The following NADK variants were observed in gnomAD, a reference collection of about 807,000 sequenced individuals.
The protein encoded by NADK is NAD kinase, also known as poly(P)/ATP NAD kinase.
A neutral mutation model predicts 49.8 loss-of-function variants in NADK; 22 were observed. The observed-to-expected ratio is 0.44, with a 90% CI of 0.32 to 0.63. The LOEUF (loss-of-function observed/expected upper bound fraction) is 0.63, where lower values mean the gene tolerates loss of function less well. Among genes scored for constraint, NADK ranks in the 30% least tolerant of loss-of-function variants. The pLI is 0.06. For missense variants in NADK, 438 were observed against 609.4 expected (o/e 0.72, Z 2.96); for synonymous variants, 268 against 253.7 (o/e 1.06, Z -0.54).
chr1:1,776,771 TTAAA>T (rs1646224229), intron 1 of NADK, among the ~76,000 whole-genome samples: 1 of 87,232 alleles, frequency 1.1e-5, no homozygotes, highest in Non-Finnish European at 2.6e-5. Flanking sequence ...AGACTCTGTC[TTAAA>T]AAAAAAAAAA....
rs147892956 is a variant in NADK, at chr1:1,756,566, G to C, written c.436C>G (p.Pro146Ala). The C allele has an allele frequency of 2.5e-6, 4 of 1,614,050 alleles. No individual in the cohort carries two copies. Among genetic ancestry groups the C allele is most frequent in the East Asian group, 4.5e-5 (2 of 44,872 alleles). The part of the protein sequence containing the change: ...VYVEKKVLED[P>A]AIASDESFGA... ...AAGCTTTCATCGCTGGCGATGGCAG[G>C]GTCTTCTAGCACTTTCTTTTCCACA... The change falls in exon 5 of 12, where the codon CCT (proline) becomes GCT (alanine). Residue 146 changes from proline to alanine, a missense_variant. Coordinates refer to ENST00000341426, the MANE Select transcript of NADK (RefSeq NM_023018.5).
intron 4 of NADK, 115 bp from the exon 5 acceptor site, chr1:1,756,723 G>A (rs1195502181): frequency 2.0e-5 from 31 of 1,545,156 alleles, no homozygotes; most frequent in East Asian, 4.6e-5. Flanking sequence ...CTGCATGCCC[G>A]CCCCCCCACG....
At chr1:1,757,477 A>ACAGGGT (rs1645567789) in intron 3 of NADK, among the ~76,000 whole-genome samples, 167 bp from the exon 4 acceptor site, 1 of 151,772 alleles carries the variant, frequency 6.6e-6, no homozygotes, top group African/African-American at 2.4e-5. Flanking sequence ...CGCCACAGAG[A>ACAGGGT]CAGGGTCAGG....
chr1:1,753,917 A>T (rs1645419059), intron 10 of NADK, 134 bp downstream of exon 10: 3 of 1,181,502 alleles, frequency 2.5e-6, no homozygotes, highest in Non-Finnish European at 3.5e-6. Flanking sequence ...GAGGGGGCAC[A>T]GGATGGCCCT....
At chr1:1,763,816 ACT>A (rs1277490428) in intron 2 of NADK, among the ~76,000 whole-genome samples, 1 of 151,970 alleles carries the variant, frequency 6.6e-6, no homozygotes, top group African/African-American at 2.4e-5. Flanking sequence ...GGCGCCTGTC[ACT>A]CACTATGGAG....
intron 1 of NADK, among the ~76,000 whole-genome samples, chr1:1,772,839 A>C (rs1646091567): frequency 6.6e-6 from 1 of 151,942 alleles, no homozygotes; most frequent in Non-Finnish European, 1.5e-5. Context: ...CAGGAGTTTG[A>C]GACCAGCCTG....
At chr1:1,766,920 T>TC (rs1303302902) in intron 1 of NADK, among the ~76,000 whole-genome samples, 1 of 151,698 alleles carries the variant, frequency 6.6e-6, no homozygotes, top group African/African-American at 2.4e-5. Context: ...TAGAACCTCA[T>TC]CTTTTTTTTT....
At chr1:1,774,161 GTGTA>G (rs1246576187) in intron 1 of NADK, among the ~76,000 whole-genome samples, 1 of 151,002 alleles carries the variant, frequency 6.6e-6, no homozygotes, top group African/African-American at 2.4e-5. Context: ...ATGTGTGTGT[GTGTA>G]TATATATACA....
At position 1,754,763 on chromosome 1, in the gene NADK, C is replaced by A. The variant is rs1645456688; in HGVS notation, c.689-65G>T. The A allele has an allele frequency of 6.8e-7, 1 of 1,476,410 alleles. No individual in the cohort carries two copies. The highest frequency in any genetic ancestry group is 1.4e-5 in the African/African-American group (1 of 71,036). The allele number at this position is 1,476,410 out of a possible 1,614,324, so 91.5% of individuals were successfully genotyped here. ...GTCAGTGGGGTCAGGGGCCCCACCC[C>A]AGGGAGGCCAGTGGGAGTCAGAGGG... On this transcript the variant is annotated intron_variant, in intron 7 of 11. Coordinates refer to ENST00000341426, the MANE Select transcript of NADK (RefSeq NM_023018.5). The surrounding 1 kb of genome is among the most constrained non-coding windows in gnomAD (Gnocchi z 4.3).
At chr1:1,762,484 A>G (rs1645755046) in intron 2 of NADK, among the ~76,000 whole-genome samples, 1 of 152,234 alleles carries the variant, frequency 6.6e-6, no homozygotes, top group Non-Finnish European at 1.5e-5. Context: ...GGCCGGGCGC[A>G]GTGGCTCACA....
At chr1:1,776,824 A>G (rs2100396316) in intron 1 of NADK, among the ~76,000 whole-genome samples, 1 of 151,328 alleles carries the variant, frequency 6.6e-6, no homozygotes, top group Admixed American at 6.6e-5. Flanking sequence ...CGTCTGTAAG[A>G]TCAGCACTTT....
chr1:1,759,065 C>T (rs1216327863), intron 3 of NADK: 1 of 1,493,844 alleles, frequency 6.7e-7, no homozygotes, highest in African/African-American at 1.4e-5. Flanking sequence ...CTGCACACGG[C>T]TCCCCCTGCT....
chr1:1,753,928 AG>A, intron 10 of NADK, 122 bp downstream of exon 10: 1 of 1,272,750 alleles, frequency 7.9e-7, no homozygotes, highest in Middle Eastern at 2.0e-4. Flanking sequence ...GGATGGCCCT[AG>A]GATGACGAGG....
chr1:1,756,071 T>G (rs1645509643), intron 6 of NADK, 187 bp downstream of exon 6: 1 of 631,620 alleles, frequency 1.6e-6, no homozygotes, highest in Admixed American at 2.6e-5. Flanking sequence ...TAGCACTGTG[T>G]CCACACTGCC....
chr1:1,769,138 C>A (rs1309066871), intron 1 of NADK, among the ~76,000 whole-genome samples: 1 of 152,214 alleles, frequency 6.6e-6, no homozygotes, highest in East Asian at 1.9e-4. Flanking sequence ...ACATACCAGG[C>A]GGGATGTGGT....
intron 1 of NADK, among the ~76,000 whole-genome samples, chr1:1,767,616 G>A (rs1467752083): frequency 1.3e-5 from 2 of 152,232 alleles, no homozygotes; most frequent in Non-Finnish European, 2.9e-5. Context: ...GGACAAGGTA[G>A]ATTCTGGCAT....
chr1:1,757,400 T>A, intron 3 of NADK, 90 bp from the exon 4 acceptor site: 9 of 1,223,352 alleles, frequency 7.4e-6, no homozygotes, highest in Non-Finnish European at 1.0e-5. Flanking sequence ...AAAAAATCTT[T>A]AAAAAGGTGT....
At chr1:1,775,316 A>G (rs1646181185) in intron 1 of NADK, among the ~76,000 whole-genome samples, 1 of 152,198 alleles carries the variant, frequency 6.6e-6, no homozygotes, top group African/African-American at 2.4e-5. Flanking sequence ...TAAGAACTCA[A>G]TCAATATTTG....
At chr1:1,762,144 G>A in intron 2 of NADK, 109 bp from the exon 3 acceptor site, 1 of 890,076 alleles carries the variant, frequency 1.1e-6, no homozygotes, top group Non-Finnish European at 1.8e-6. Flanking sequence ...CAATTTGAAA[G>A]ATGCCAACTC....
Sources: gnomAD v4.1 joint callset for allele counts (sites outside exome capture counted in the v4.1 genomes callset) on GRCh38, gnomAD v4.1.1 for gene constraint, Gnocchi (gnomAD v3.1) non-coding constraint, MANE v1.5 for transcripts, NCBI Gene and HGNC (gene_info 2026-07-23, HGNC 2026-07-21) for gene names.